Variants in KCND2 observed in about 807,000 individuals in gnomAD.
KCND2 encodes the protein A-type voltage-gated potassium channel KCND2.
KCND2 carries 16 observed loss-of-function variants against 54.4 expected under a neutral mutation model. That is an observed-to-expected ratio of 0.29 (90% CI 0.20 to 0.45). The LOEUF (loss-of-function observed/expected upper bound fraction) is 0.45. Ranked by LOEUF, KCND2 falls within the 20% of genes least tolerant of loss-of-function variation. The pLI is 1.00. For missense variants in KCND2, 486 were observed against 824.2 expected (o/e 0.59, Z 5.02); for synonymous variants, 317 against 310.7 (o/e 1.02, Z -0.21).
At chr7:120,444,130 T>C (rs928034624) in intron 1 of KCND2, among the ~76,000 whole-genome samples, 1 of 152,120 alleles carries the variant, frequency 6.6e-6, no homozygotes, top group Non-Finnish European at 1.5e-5. Flanking sequence ...GCAAAGGTGA[T>C]TCCTATTCAC....
intron 1 of KCND2, among the ~76,000 whole-genome samples, chr7:120,648,354 A>T (rs1375441158): frequency 6.6e-6 from 1 of 152,208 alleles, no homozygotes; most frequent in Non-Finnish European, 1.5e-5. Flanking sequence ...AATGGGTGCC[A>T]TGGAAATGGA....
intron 1 of KCND2, among the ~76,000 whole-genome samples, chr7:120,519,969 A>G (rs192515866): frequency 1.3e-5 from 2 of 152,120 alleles, no homozygotes; most frequent in Non-Finnish European, 2.9e-5. Context: ...TAAATTACAA[A>G]TTATCCTAAT....
chr7:120,604,664 A>G (rs1302485944), intron 1 of KCND2, among the ~76,000 whole-genome samples: 1 of 151,944 alleles, frequency 6.6e-6, no homozygotes, highest in Non-Finnish European at 1.5e-5. Flanking sequence ...CTGTGTCTTG[A>G]ATATGCAAAA....
chr7:120,322,061 A>G (rs902739556), intron 1 of KCND2, among the ~76,000 whole-genome samples: 1 of 152,106 alleles, frequency 6.6e-6, no homozygotes, highest in African/African-American at 2.4e-5. Context: ...CATAGGCATT[A>G]AATTATGTGT....
intron 1 of KCND2, among the ~76,000 whole-genome samples, chr7:120,365,188 A>C (rs896734702): frequency 1.6e-5 from 2 of 122,578 alleles, no homozygotes; most frequent in Non-Finnish European, 3.3e-5. Flanking sequence ...AGAGGAAGGA[A>C]GGAAGGGAGG....
intron 1 of KCND2, among the ~76,000 whole-genome samples, chr7:120,549,375 A>G (rs1792079750): frequency 6.6e-6 from 1 of 152,168 alleles, no homozygotes; most frequent in Non-Finnish European, 1.5e-5. Context: ...AGATGTAGAA[A>G]AATTGAATGT....
chr7:120,310,162 A>G (rs1448575133), intron 1 of KCND2, among the ~76,000 whole-genome samples: 1 of 152,212 alleles, frequency 6.6e-6, no homozygotes, highest in East Asian at 1.9e-4. Flanking sequence ...AAAAGATAGA[A>G]TCACGTTAGT....
intron 1 of KCND2, among the ~76,000 whole-genome samples, chr7:120,599,682 A>C (rs1440770936): frequency 1.3e-5 from 2 of 152,080 alleles, no homozygotes; most frequent in African/African-American, 4.8e-5. Flanking sequence ...TGTTAAACTC[A>C]TTAGTTCTAA....
chr7:120,493,613 A>G (rs533765078), intron 1 of KCND2, among the ~76,000 whole-genome samples: 3 of 152,256 alleles, frequency 2.0e-5, no homozygotes, highest in African/African-American at 7.2e-5. Flanking sequence ...AAACCTATAA[A>G]ATGATGCTCA....
chr7:120,726,652 C>T (rs777182064), intron 1 of KCND2, among the ~76,000 whole-genome samples: 11 of 152,180 alleles, frequency 7.2e-5, no homozygotes, highest in Non-Finnish European at 1.3e-4. Flanking sequence ...TTACTTTCAT[C>T]TAACTTTTTA....
At chr7:120,339,789 A>G (rs1237736278) in intron 1 of KCND2, among the ~76,000 whole-genome samples, 1 of 152,120 alleles carries the variant, frequency 6.6e-6, no homozygotes, top group Non-Finnish European at 1.5e-5. Flanking sequence ...ATCAGGTTGC[A>G]TTTTTAAATT....
intron 1 of KCND2, among the ~76,000 whole-genome samples, chr7:120,291,099 A>G (rs1361234120): frequency 6.6e-6 from 1 of 152,042 alleles, no homozygotes. Context: ...ATCCATTTAT[A>G]AATTATATTT....
chr7:120,695,239 C>T (rs1159078137), intron 1 of KCND2, among the ~76,000 whole-genome samples: 1 of 151,024 alleles, frequency 6.6e-6, no homozygotes, highest in African/African-American at 2.4e-5. Flanking sequence ...TTGAACTGAG[C>T]TTGATATTTC....
At chr7:120,738,346 C>T (rs1356736669) in intron 2 of KCND2, among the ~76,000 whole-genome samples, 2 of 151,994 alleles carry the variant, frequency 1.3e-5, no homozygotes, top group Non-Finnish European at 2.9e-5. Flanking sequence ...ACTTACCACA[C>T]TTACGAATTC....
At chr7:120,459,918 A>G (rs1802260355) in intron 1 of KCND2, among the ~76,000 whole-genome samples, 2 of 152,236 alleles carry the variant, frequency 1.3e-5, no homozygotes, top group Non-Finnish European at 2.9e-5. Context: ...GCCAAATATC[A>G]GAGAACATAG....
At chr7:120,389,008 G>A in intron 1 of KCND2, among the ~76,000 whole-genome samples, 1 of 151,246 alleles carries the variant, frequency 6.6e-6, no homozygotes, top group Non-Finnish European at 1.5e-5. Context: ...TGCCATGCTG[G>A]TCTACTTTAA....
At chr7:120,579,204 C>CT (rs199876933) in intron 1 of KCND2, among the ~76,000 whole-genome samples, 15 of 150,870 alleles carry the variant, frequency 9.9e-5, no homozygotes, top group African/African-American at 2.2e-4. Context: ...TTTACCTCTC[C>CT]TTTTTTTTTC....
intron 1 of KCND2, among the ~76,000 whole-genome samples, chr7:120,654,729 G>T (rs1256176736): frequency 6.6e-6 from 1 of 152,028 alleles, no homozygotes; most frequent in Non-Finnish European, 1.5e-5. Context: ...AAGCAAATCA[G>T]TAAAGTGCTA....
chr7:120,744,813 A>G (rs1269115199), intron 4 of KCND2, among the ~76,000 whole-genome samples: 1 of 152,146 alleles, frequency 6.6e-6, no homozygotes, highest in African/African-American at 2.4e-5. Flanking sequence ...TTATAAGACT[A>G]TCCCCACCCA....
Sources: allele counts gnomAD v4.1 joint callset (sites outside exome capture counted in the v4.1 genomes callset), GRCh38; gene constraint gnomAD v4.1.1; transcripts MANE v1.5; gene names NCBI Gene and HGNC (gene_info 2026-07-23, HGNC 2026-07-21).